YWHAE: variants seen among roughly 807,000 people sequenced by gnomAD.
YWHAE encodes tyrosine 3-monooxygenase/tryptophan 5-monooxygenase activation protein epsilon, also known as 14-3-3 protein epsilon.
In YWHAE, 4 loss-of-function variants were observed where a neutral mutation model predicts 30.1. The observed-to-expected ratio is 0.13, with a 90% CI of 0.07 to 0.30. YWHAE has a LOEUF of 0.30. Ranked by LOEUF, YWHAE falls within the 10% of genes least tolerant of loss-of-function variation. The pLI is 1.00. For missense variants in YWHAE, 121 were observed against 315.9 expected (o/e 0.38, Z 4.68); for synonymous variants, 118 against 111.8 (o/e 1.06, Z -0.35).
At chr17:1,395,078 C>T (rs191234491) in intron 1 of YWHAE, among the ~76,000 whole-genome samples, 1 of 151,814 alleles carries the variant, frequency 6.6e-6, no homozygotes, top group African/African-American at 2.4e-5. Flanking sequence ...ATCAGTCACC[C>T]TTACAGTCAT....
At chr17:1,379,292 C>A (rs1242645142) in intron 1 of YWHAE, among the ~76,000 whole-genome samples, 1 of 152,072 alleles carries the variant, frequency 6.6e-6, no homozygotes, top group African/African-American at 2.4e-5. Flanking sequence ...TAAGCCCAGT[C>A]TGGGGAGCAC....
At chr17:1,363,006 G>C (rs946059024) in intron 2 of YWHAE, among the ~76,000 whole-genome samples, 1 of 152,042 alleles carries the variant, frequency 6.6e-6, no homozygotes, top group Non-Finnish European at 1.5e-5. Context: ...CCTTCTCCCA[G>C]ATTCACTGAG....
intron 4 of YWHAE, 67 bp downstream of exon 4, chr17:1,361,025 C>A (rs963017543): frequency 1.2e-5 from 17 of 1,465,048 alleles, no homozygotes; most frequent in East Asian, 2.3e-5. Context: ...AGAAACAACA[C>A]GGAAAACCCA....
rs185171135 is a variant in YWHAE at position 1,360,312 on chromosome 17, C to A, written c.578+780G>T. On this transcript the variant is annotated intron_variant, in intron 4 of 5. Transcript: ENST00000264335. Reference sequence around the variant, plus strand: ...GTTATGTACGTATAAATATTCCTTACATATTTATCTACATTATCAAAAACT... The same window carrying A: ...GTTATGTACGTATAAATATTCCTTAAATATTTATCTACATTATCAAAAACT... 2.0e-5 allele frequency among the ~76,000 whole-genome samples: 3 copies of A among 152,270 alleles called. No individual in the cohort carries two copies. In the East Asian group the frequency reaches 5.8e-4, roughly 29 times the overall value.
At chr17:1,362,411 T>A (rs1265322098) in intron 2 of YWHAE, among the ~76,000 whole-genome samples, 1 of 152,138 alleles carries the variant, frequency 6.6e-6, no homozygotes, top group Non-Finnish European at 1.5e-5. Flanking sequence ...GATCAACAAT[T>A]AAATAAGAAT....
At chr17:1,395,338 G>C (rs1199780277) in intron 1 of YWHAE, among the ~76,000 whole-genome samples, 5 of 152,046 alleles carry the variant, frequency 3.3e-5, no homozygotes, top group Admixed American at 3.3e-4. Context: ...GACCATCCTG[G>C]CCAACATGGT....
intron 5 of YWHAE, among the ~76,000 whole-genome samples, chr17:1,352,932 ACTC>A (rs1195250731): frequency 6.6e-6 from 1 of 152,022 alleles, no homozygotes; most frequent in Non-Finnish European, 1.5e-5. Context: ...ATCCTGTAAT[ACTC>A]CTATCACACT....
Position 1,355,333 on chromosome 17 carries a change from A to G in YWHAE, c.579-986T>C, listed in dbSNP as rs530403600. 4.2e-3 allele frequency among the ~76,000 whole-genome samples: 613 copies of G among 147,380 alleles called. 1 individual carries two copies. The highest frequency in any genetic ancestry group is 0.014 in the African/African-American group (554 of 39,974). ...CACCACACCCGGCTGATTTGTTTTT[A>G]TATTTTTAGCAGAGGCAGGGTTTCA... is the stretch of plus-strand genomic sequence containing the variant. On this transcript the variant is annotated intron_variant, in intron 4 of 5. Transcript: ENST00000264335.
chr17:1,364,365 C>T (rs927620298), intron 2 of YWHAE, among the ~76,000 whole-genome samples: 17 of 151,790 alleles, frequency 1.1e-4, no homozygotes, highest in African/African-American at 2.9e-4. Context: ...TAGCTGGGAC[C>T]ACAGGCTCCC....
chr17:1,381,936 C>G (rs565544688), intron 1 of YWHAE, among the ~76,000 whole-genome samples: 89 of 136,926 alleles, frequency 6.5e-4, no homozygotes, highest in Non-Finnish European at 1.0e-3. Flanking sequence ...AAAAAAAAGA[C>G]AGGCAGACAG....
At chr17:1,384,267 C>T (rs1356617536) in intron 1 of YWHAE, among the ~76,000 whole-genome samples, 1 of 151,108 alleles carries the variant, frequency 6.6e-6, no homozygotes, top group Non-Finnish European at 1.5e-5. Flanking sequence ...TCCCAGCTAC[C>T]CAGGACGCAG....
chr17:1,391,370 T>C (rs184365328), intron 1 of YWHAE, among the ~76,000 whole-genome samples: 17 of 152,254 alleles, frequency 1.1e-4, no homozygotes, highest in African/African-American at 3.4e-4. Flanking sequence ...TTTAGGAAAC[T>C]GTTGTATGAG....
chr17:1,354,712 G>C (rs2072698442), intron 4 of YWHAE, among the ~76,000 whole-genome samples: 2 of 152,170 alleles, frequency 1.3e-5, no homozygotes. Context: ...GCCCAGGCTG[G>C]AGTGCAGTGG....
intron 1 of YWHAE, among the ~76,000 whole-genome samples, chr17:1,388,113 GGTTGGTTTTTTTT>G (rs2073332432): frequency 5.7e-5 from 2 of 35,136 alleles, no homozygotes; most frequent in East Asian, 8.1e-4. Flanking sequence ...TTTTTTTTTT[GGTTGGTTTTTTTT>G]TTTTTTTTTT....
chr17:1,358,035 G>A (rs1015382405), intron 4 of YWHAE, among the ~76,000 whole-genome samples: 2 of 151,966 alleles, frequency 1.3e-5, no homozygotes, highest in African/African-American at 2.4e-5. Context: ...TTGCTAAGAG[G>A]TTACTATCTG....
At chr17:1,385,918 A>C (rs779462238) in intron 1 of YWHAE, among the ~76,000 whole-genome samples, 20 of 152,128 alleles carry the variant, frequency 1.3e-4, no homozygotes, top group Non-Finnish European at 2.2e-4. Flanking sequence ...CTCCACAAAA[A>C]AGGGGGAAAA....
At chr17:1,363,616 T>C (rs943911489) in intron 2 of YWHAE, among the ~76,000 whole-genome samples, 1 of 152,216 alleles carries the variant, frequency 6.6e-6, no homozygotes, top group African/African-American at 2.4e-5. Context: ...CCCAAAACCC[T>C]GGTTTGTGCA....
At chr17:1,362,856 G>C (rs1025263518) in intron 2 of YWHAE, among the ~76,000 whole-genome samples, 1 of 151,988 alleles carries the variant, frequency 6.6e-6, no homozygotes, top group African/African-American at 2.4e-5. Flanking sequence ...ATAGAGACTG[G>C]TCTAGGAGAA....
chr17:1,379,731 T>C (rs2073176564), intron 1 of YWHAE, among the ~76,000 whole-genome samples: 1 of 151,988 alleles, frequency 6.6e-6, no homozygotes, highest in African/African-American at 2.4e-5. Context: ...TTACGATGAG[T>C]TATGAAGGAA....
Sources: gnomAD v4.1 joint callset for allele counts (sites outside exome capture counted in the v4.1 genomes callset) on GRCh38, gnomAD v4.1.1 for gene constraint, MANE v1.5 for transcripts, NCBI Gene and HGNC (gene_info 2026-07-23, HGNC 2026-07-21) for gene names.